Variants in DYRK4 observed in about 807,000 individuals in gnomAD.
DYRK4 encodes the protein dual specificity tyrosine-phosphorylation-regulated kinase 4.
DYRK4 carries 64 observed loss-of-function variants against 68.3 expected under a neutral mutation model. The observed-to-expected ratio is 0.94, with a 90% CI of 0.77 to 1.15. The LOEUF (loss-of-function observed/expected upper bound fraction) is 1.15. DYRK4 is among the 50% of genes most tolerant of loss of function. The pLI is 0.00. For synonymous variants in DYRK4, 274 were observed against 289.9 expected, an observed-to-expected ratio of 0.95 and a Z score of 0.56; for missense variants, 740 against 764.7, an observed-to-expected ratio of 0.97 and a Z score of 0.38.
At chr12:4,592,970 C>A in intron 5 of DYRK4, 32 bp from the exon 6 acceptor site, 1 of 1,600,908 alleles carries the variant, frequency 6.2e-7, no homozygotes, top group Non-Finnish European at 8.5e-7. Context: ...GCTGCCTCAA[C>A]TGAACTCACA....
At chr12:4,594,355 C>T (rs1944992079) in intron 6 of DYRK4, among the ~76,000 whole-genome samples, 1 of 152,132 alleles carries the variant, frequency 6.6e-6, no homozygotes, top group African/African-American at 2.4e-5. Context: ...TCCAGAGTAG[C>T]AGGGATTACA....
chr12:4,598,517 A>C (rs571537983), intron 8 of DYRK4, among the ~76,000 whole-genome samples: 1 of 152,338 alleles, frequency 6.6e-6, no homozygotes, highest in East Asian at 1.9e-4. Context: ...GCGAGCTTTC[A>C]TTTCTCAAAG....
chr12:4,585,623 T>G (rs968796902), intron 2 of DYRK4, among the ~76,000 whole-genome samples: 1 of 151,656 alleles, frequency 6.6e-6, no homozygotes, highest in African/African-American at 2.4e-5. Flanking sequence ...CACCGGGGAC[T>G]GTTGTGGGGT....
intron 1 of DYRK4, among the ~76,000 whole-genome samples, chr12:4,567,752 C>T (rs183003000): frequency 2.6e-5 from 4 of 152,310 alleles, no homozygotes; most frequent in Admixed American, 2.0e-4. Flanking sequence ...ATCTCTTCCT[C>T]CTTCCCTGGC....
intron 11 of DYRK4, among the ~76,000 whole-genome samples, chr12:4,606,326 G>C (rs200559324): frequency 5.2e-5 from 6 of 115,832 alleles, no homozygotes; most frequent in East Asian, 6.5e-4. Flanking sequence ...ATCTATCTAT[G>C]TATCTGTATC....
intron 10 of DYRK4, chr12:4,602,485 A>C (rs1416163820): frequency 4.6e-6 from 6 of 1,308,454 alleles, no homozygotes; most frequent in Non-Finnish European, 5.5e-6. Context: ...CTGAGATGGC[A>C]GCAGAGCTTG....
intron 1 of DYRK4, among the ~76,000 whole-genome samples, chr12:4,563,386 A>G (rs190364023): frequency 1.4e-4 from 21 of 152,334 alleles, no homozygotes; most frequent in African/African-American, 5.1e-4. Flanking sequence ...CAACTTGGCT[A>G]GAATGCATAG....
intron 3 of DYRK4, chr12:4,590,086 C>T (rs1376071746): frequency 3.4e-6 from 4 of 1,191,270 alleles, no homozygotes; most frequent in African/African-American, 3.2e-5. Flanking sequence ...TCAGTGTGAG[C>T]TGTTGAAAGC....
intron 2 of DYRK4, chr12:4,573,187 C>A: frequency 1.7e-6 from 1 of 591,566 alleles, no homozygotes; most frequent in Non-Finnish European, 2.6e-6. Context: ...AACATTAAAA[C>A]GTTTAAAATA....
intron 2 of DYRK4, among the ~76,000 whole-genome samples, chr12:4,575,299 C>CTGTGTGTGTGTGTGTGTGTGTGTGTG (rs35874260): frequency 1.7e-4 from 25 of 148,862 alleles, no homozygotes; most frequent in African/African-American, 6.2e-4. Flanking sequence ...CAATAACTTA[C>CTGTGTGTGTGTGTGTGTGTGTGTGTG]TGTGTGTGTG....
At chr12:4,571,782 G>T (rs1944733074) in intron 2 of DYRK4, among the ~76,000 whole-genome samples, 1 of 151,772 alleles carries the variant, frequency 6.6e-6, no homozygotes, top group African/African-American at 2.4e-5. Context: ...CTTTAATGTG[G>T]CTACCAGAAA....
intron 2 of DYRK4, among the ~76,000 whole-genome samples, chr12:4,570,122 T>C (rs1404532146): frequency 2.0e-5 from 3 of 151,486 alleles, no homozygotes; most frequent in African/African-American, 7.3e-5. Context: ...ACGCCTGTAG[T>C]CCCAGCTACT....
chr12:4,598,602 C>G (rs1320485338), intron 8 of DYRK4, among the ~76,000 whole-genome samples: 5 of 152,162 alleles, frequency 3.3e-5, no homozygotes, highest in Non-Finnish European at 4.4e-5. Flanking sequence ...CCCCATCTGC[C>G]CACTCTCTTG....
intron 2 of DYRK4, among the ~76,000 whole-genome samples, chr12:4,570,074 A>G (rs756662765): frequency 0.022 from 3,155 of 142,928 alleles, 66 homozygotes; most frequent in Non-Finnish European, 0.034. Flanking sequence ...TAATAATAAT[A>G]ATAATGATAA....
At chr12:4,563,055 A>G (rs1229152154) in intron 1 of DYRK4, 2 of 455,998 alleles carry the variant, frequency 4.4e-6, no homozygotes, top group Non-Finnish European at 8.8e-6. Context: ...TTCACTGTCC[A>G]GGCTTAAGTG....
intron 10 of DYRK4, 96 bp from the exon 11 acceptor site, chr12:4,604,818 C>T: frequency 7.1e-7 from 1 of 1,405,334 alleles, no homozygotes; most frequent in East Asian, 2.7e-5. Context: ...TCACTGCCAG[C>T]GGGGGCGCAG....
In DYRK4 at chr12:4,609,425, C is replaced by T. The variant is rs963730545; in HGVS notation, c.1361-730C>T. Among the ~76,000 whole-genome samples, 3 of 152,306 alleles carry T rather than the reference C, an allele frequency of 2.0e-5. No homozygotes were observed. The South Asian group carries it at 6.2e-4, about 32-fold the overall frequency. ...TATGACAAAATAAGTTTGGGAAACA[C>T]GGTTGTCCACTTCAGTTCTTGACTG... is the stretch of plus-strand genomic sequence containing the variant. On this transcript the variant is annotated intron_variant, in intron 12 of 14. Coordinates refer to ENST00000543431, the MANE Select transcript of DYRK4 (RefSeq NM_001394779.1).
At chr12:4,589,458 T>C (rs1944930002) in intron 3 of DYRK4, among the ~76,000 whole-genome samples, 1 of 152,172 alleles carries the variant, frequency 6.6e-6, no homozygotes, top group African/African-American at 2.4e-5. Context: ...CCATTAACCA[T>C]CCCCACCTCT....
intron 10 of DYRK4, among the ~76,000 whole-genome samples, chr12:4,604,466 T>C (rs1009061300): frequency 6.6e-6 from 1 of 152,246 alleles, no homozygotes; most frequent in Non-Finnish European, 1.5e-5. Flanking sequence ...ATACAATAAG[T>C]GCACATGCTA....
Sources: allele counts gnomAD v4.1 joint callset (sites outside exome capture counted in the v4.1 genomes callset), GRCh38; gene constraint gnomAD v4.1.1; transcripts MANE v1.5; gene names NCBI Gene and HGNC (gene_info 2026-07-23, HGNC 2026-07-21).